The following JAM2 variants were observed in gnomAD, a reference collection of about 807,000 sequenced individuals.
JAM2 encodes the protein junctional adhesion molecule B.
In JAM2, 17 loss-of-function variants were observed where a neutral mutation model predicts 42.0. The observed-to-expected ratio is 0.40, with a 90% CI of 0.28 to 0.61. The LOEUF is 0.61. JAM2 is among the 20% of genes least tolerant of loss of function. JAM2 has a pLI of 0.37. For missense variants in JAM2, 319 were observed against 358.3 expected, an observed-to-expected ratio of 0.89 and a Z score of 0.89; for synonymous variants, 118 against 128.6, an observed-to-expected ratio of 0.92 and a Z score of 0.56.
Position 25,698,815 on chromosome 21 carries a change from A to T in JAM2, c.533A>T (p.Asn178Ile), listed in dbSNP as rs1414707116. 6.2e-7 allele frequency: 1 copy of T among 1,614,066 alleles called. No individual in the cohort carries two copies. The highest frequency in any genetic ancestry group is 1.3e-5 in the African/African-American group (1 of 74,918). ...WFKDGIRLLE[N>I]PRLGSQSTNS... is the part of the protein sequence containing the mutation. ...AAGGATGGCATCCGTTTGCTAGAAA[A>T]TCCCAGACTTGGCTCCCAAAGCACC... is the stretch of plus-strand genomic sequence containing the variant. The change falls in exon 5 of 10, where the codon AAT (asparagine) becomes ATT (isoleucine). Residue 178 changes from asparagine to isoleucine, a missense_variant. Transcript: ENST00000480456.
At chr21:25,640,912 C>A (rs778520625) in intron 1 of JAM2, among the ~76,000 whole-genome samples, 4 of 151,972 alleles carry the variant, frequency 2.6e-5, no homozygotes, top group Non-Finnish European at 5.9e-5. Flanking sequence ...TAATACTTAA[C>A]CTGCGGGACG....
At position 25,695,989 on chromosome 21, in the gene JAM2, G is replaced by A. The variant is rs997283387; in HGVS notation, c.394+2081G>A. Among the ~76,000 whole-genome samples the A allele has an allele frequency of 7.9e-5, 12 of 152,296 alleles. No homozygotes were observed. In the East Asian group the frequency reaches 1.9e-3, roughly 25 times the overall value. On this transcript the variant is annotated intron_variant, in intron 4 of 9. Transcript: ENST00000480456. ...CTCCTCACTTCCCAGACGGGGTGGCGGCCAGGCAGAGGCTGCAATCTCGGC... is the reference window on the plus strand; with the variant it reads ...CTCCTCACTTCCCAGACGGGGTGGCAGCCAGGCAGAGGCTGCAATCTCGGC...
At chr21:25,664,058 CTCCAAGGAAACTTCTT>C (rs1352643312) in intron 1 of JAM2, among the ~76,000 whole-genome samples, 1 of 152,138 alleles carries the variant, frequency 6.6e-6, no homozygotes. Context: ...CACTATGATT[CTCCAAGGAAACTTCTT>C]GAAACAGTGA....
intron 7 of JAM2, among the ~76,000 whole-genome samples, chr21:25,709,120 T>G (rs1188151083): frequency 6.6e-6 from 1 of 151,946 alleles, no homozygotes; most frequent in Non-Finnish European, 1.5e-5. Flanking sequence ...AGTAGGCCTG[T>G]TTTTCAAGAC....
chr21:25,692,956 G>A (rs934314988), intron 3 of JAM2, among the ~76,000 whole-genome samples: 1 of 152,172 alleles, frequency 6.6e-6, no homozygotes, highest in South Asian at 2.1e-4. Context: ...CAACTAATTA[G>A]AAAATATGTA....
intron 2 of JAM2, among the ~76,000 whole-genome samples, chr21:25,686,243 G>A (rs1004299367): frequency 6.6e-6 from 1 of 152,048 alleles, no homozygotes; most frequent in Non-Finnish European, 1.5e-5. Flanking sequence ...TCCAAAATAA[G>A]TGTTTTCTAT....
chr21:25,697,948 C>T (rs559836794), intron 4 of JAM2, among the ~76,000 whole-genome samples: 3 of 151,364 alleles, frequency 2.0e-5, no homozygotes, highest in African/African-American at 7.3e-5. Context: ...CACACACACA[C>T]ACACTCTCTC....
rs2033937381 is a variant in JAM2, at chr21:25,693,859, T to C, written c.345T>C (p.Ser115=). ...GKYRCEVSAP[S]EQGQNLEEDT... Reference sequence around the variant, plus strand: ...ATCGTTGTGAAGTTAGTGCCCCATCTGAGCAAGGCCAAAACCTGGAAGAGG... The same window carrying C: ...ATCGTTGTGAAGTTAGTGCCCCATCCGAGCAAGGCCAAAACCTGGAAGAGG... The change falls in exon 4 of 10, where the codon TCT becomes TCC. Residue 115 remains serine, a synonymous_variant. Transcript: ENST00000480456. 2 of 1,614,118 alleles carry C rather than the reference T, an allele frequency of 1.2e-6. No individual in the cohort carries two copies. Among genetic ancestry groups the C allele is most frequent in the African/African-American group, 1.3e-5 (1 of 74,944 alleles).
At chr21:25,659,076 C>T (rs1024021307) in intron 1 of JAM2, among the ~76,000 whole-genome samples, 3 of 152,122 alleles carry the variant, frequency 2.0e-5, no homozygotes, top group African/African-American at 7.2e-5. Context: ...AAGGGTAAGC[C>T]ATAAGCCTGT....
At chr21:25,709,707 C>T in intron 8 of JAM2, 1 of 310,310 alleles carries the variant, frequency 3.2e-6, no homozygotes, top group South Asian at 1.3e-4. Context: ...AATCCTGGCA[C>T]CAACACTGCT....
At chr21:25,657,992 C>A (rs2032984843) in intron 1 of JAM2, among the ~76,000 whole-genome samples, 2 of 152,154 alleles carry the variant, frequency 1.3e-5, no homozygotes, top group African/African-American at 4.8e-5. Flanking sequence ...CAGTAGGCAA[C>A]AGGAAGTTGT....
chr21:25,711,216 T>G (rs1036533100), intron 8 of JAM2, among the ~76,000 whole-genome samples: 1 of 152,222 alleles, frequency 6.6e-6, no homozygotes, highest in Non-Finnish European at 1.5e-5. Context: ...AAGTAGAGGT[T>G]ATCAGTAACT....
At position 25,708,335 on chromosome 21, in the gene JAM2, G is replaced by A. The variant is rs1292697044; in HGVS notation, c.806-1099G>A. Among the ~76,000 whole-genome samples the A allele has an allele frequency of 3.9e-5, 6 of 152,136 alleles. No individual in the cohort carries two copies. In the East Asian group the frequency reaches 5.8e-4, roughly 15 times the overall value. On this transcript the variant is annotated intron_variant, in intron 7 of 9. Transcript: ENST00000480456. ...TGCATTCCCAACACTTTGGGAGGCCGAGGCAGGAGGATCACTTGAGTCCAG... is the reference window on the plus strand; with the variant it reads ...TGCATTCCCAACACTTTGGGAGGCCAAGGCAGGAGGATCACTTGAGTCCAG...
chr21:25,664,266 T>G (rs145151730), intron 1 of JAM2, among the ~76,000 whole-genome samples: 1 of 152,274 alleles, frequency 6.6e-6, no homozygotes, highest in African/African-American at 2.4e-5. Flanking sequence ...GACAGAGTCT[T>G]TCTCTGTTTC....
At chr21:25,714,617 C>A in intron 9 of JAM2, 23 bp from the exon 10 acceptor site, 1 of 1,353,794 alleles carries the variant, frequency 7.4e-7, no homozygotes, top group South Asian at 1.3e-5. Flanking sequence ...ATATTTAAAC[C>A]TGTTTTTTCT....
chr21:25,714,843 A>G lies in JAM2; in HGVS notation c.*171A>G. The stretch of plus-strand genomic sequence containing the variant: ...CACCTGAACTTGCTATTTTAAACAA[A>G]TAGTTCTGTCGACACCTAAAATATA... On this transcript the variant is annotated 3_prime_UTR_variant, in exon 10 of 10. Coordinates refer to ENST00000480456, the MANE Select transcript of JAM2 (RefSeq NM_021219.4). The G allele has an allele frequency of 2.1e-6, 1 of 477,232 alleles. No homozygotes were observed. The highest frequency in any genetic ancestry group is 3.6e-5 in the East Asian group (1 of 28,104). 29.6% of individuals were successfully genotyped at this position (477,232 alleles called of 1,614,324 possible).
chr21:25,671,196 A>G (rs1186365624), intron 1 of JAM2, among the ~76,000 whole-genome samples: 1 of 152,188 alleles, frequency 6.6e-6, no homozygotes, highest in Non-Finnish European at 1.5e-5. Flanking sequence ...TCTTTCTCCC[A>G]GCTTTGTGGG....
intron 8 of JAM2, chr21:25,711,953 G>A (rs2034392007): frequency 4.4e-6 from 1 of 225,732 alleles, no homozygotes; most frequent in African/African-American, 2.4e-5. Context: ...TGGAACACTA[G>A]TCACCATGTA....
At chr21:25,640,448 C>T (rs188254756) in intron 1 of JAM2, among the ~76,000 whole-genome samples, 16 of 152,356 alleles carry the variant, frequency 1.1e-4, no homozygotes, top group Non-Finnish European at 2.9e-5. Context: ...TGCACATCTA[C>T]ATTCACTTAG....
Sources: gnomAD v4.1 joint callset for allele counts (sites outside exome capture counted in the v4.1 genomes callset) on GRCh38, gnomAD v4.1.1 for gene constraint, MANE v1.5 for transcripts, NCBI Gene and HGNC (gene_info 2026-07-23, HGNC 2026-07-21) for gene names.